Variants in SAMD4A observed in about 807,000 individuals in gnomAD.
SAMD4A encodes the protein sterile alpha motif domain containing 4A.
In SAMD4A, 33 loss-of-function variants were observed where a neutral mutation model predicts 81.3. The observed-to-expected ratio is 0.41, with a 90% CI of 0.31 to 0.54. The LOEUF (loss-of-function observed/expected upper bound fraction) is 0.54, where lower values mean the gene tolerates loss of function less well. SAMD4A is among the 20% of genes least tolerant of loss of function. The pLI, the probability that SAMD4A is intolerant of heterozygous loss-of-function variation, is 0.37. For synonymous variants in SAMD4A, 389 were observed against 382.1 expected (o/e 1.02, Z -0.21); for missense variants, 854 against 951.1 (o/e 0.90, Z 1.34).
chr14:54,569,746 GATTTACGCAGAGTC>G (rs2033073419), intron 2 of SAMD4A, among the ~76,000 whole-genome samples: 1 of 152,212 alleles, frequency 6.6e-6, no homozygotes, highest in African/African-American at 2.4e-5. Context: ...GATTGCAGAG[GATTTACGCAGAGTC>G]ATTTAGGTTG....
At chr14:54,673,472 G>A (rs1473570613) in intron 2 of SAMD4A, among the ~76,000 whole-genome samples, 2 of 152,236 alleles carry the variant, frequency 1.3e-5, no homozygotes, top group Non-Finnish European at 2.9e-5. Flanking sequence ...CTCAACCATG[G>A]GTTTTGTGAC....
At chr14:54,723,776 A>G (rs1199311087) in intron 3 of SAMD4A, among the ~76,000 whole-genome samples, 1 of 152,212 alleles carries the variant, frequency 6.6e-6, no homozygotes, top group Non-Finnish European at 1.5e-5. Flanking sequence ...TGGCATCAGT[A>G]TCCCTAGCGA....
chr14:54,744,159 C>T (rs2037910871), intron 4 of SAMD4A, among the ~76,000 whole-genome samples: 1 of 152,198 alleles, frequency 6.6e-6, no homozygotes, highest in African/African-American at 2.4e-5. Flanking sequence ...CAAGGCTGTT[C>T]ATGTTTCTGT....
At chr14:54,710,171 T>C (rs1028079663) in intron 3 of SAMD4A, among the ~76,000 whole-genome samples, 4 of 152,208 alleles carry the variant, frequency 2.6e-5, no homozygotes, top group Non-Finnish European at 4.4e-5. Flanking sequence ...CTCCATTTAA[T>C]CTGTCCACTT....
At chr14:54,693,860 T>C (rs1026305677) in intron 2 of SAMD4A, 2 of 150,650 alleles carry the variant, frequency 1.3e-5, no homozygotes, top group Non-Finnish European at 2.9e-5. Flanking sequence ...AATAAGGGAG[T>C]GTAAGGTGAG....
At chr14:54,669,281 C>T (rs2035822160) in intron 2 of SAMD4A, among the ~76,000 whole-genome samples, 1 of 152,104 alleles carries the variant, frequency 6.6e-6, no homozygotes, top group African/African-American at 2.4e-5. Context: ...GAAGCTGCTG[C>T]TGTCCTCCTT....
At chr14:54,598,774 A>C (rs2033978517) in intron 2 of SAMD4A, among the ~76,000 whole-genome samples, 2 of 152,120 alleles carry the variant, frequency 1.3e-5, no homozygotes, top group Admixed American at 1.3e-4. Flanking sequence ...CACTATCGGG[A>C]ACGTGTGTTA....
At position 54,684,928 on chromosome 14, in the gene SAMD4A, G is replaced by A. The variant is rs570949566; in HGVS notation, c.197-17134G>A. On this transcript the variant is annotated intron_variant, in intron 2 of 12. Transcript: ENST00000554335. The stretch of plus-strand genomic sequence containing the variant: ...GTCCACCATTCAGTTCTGGGTACCA[G>A]GTTTTCAAAGAGGCATTAAGTGTAG... Among the ~76,000 whole-genome samples the A allele has an allele frequency of 2.0e-5, 3 of 152,342 alleles. No homozygotes were observed. The South Asian group carries it at 6.2e-4, about 32-fold the overall frequency.
chr14:54,719,072 T>A (rs2037196171), intron 3 of SAMD4A, among the ~76,000 whole-genome samples: 1 of 151,960 alleles, frequency 6.6e-6, no homozygotes, highest in Non-Finnish European at 1.5e-5. Flanking sequence ...CCTTTCCCCA[T>A]TCCCCTTCCT....
intron 3 of SAMD4A, among the ~76,000 whole-genome samples, chr14:54,710,415 C>T (rs1055509530): frequency 6.6e-6 from 1 of 152,110 alleles, no homozygotes; most frequent in Non-Finnish European, 1.5e-5. Flanking sequence ...TTGTTATCCC[C>T]ATTTAACAGC....
intron 11 of SAMD4A, among the ~76,000 whole-genome samples, chr14:54,783,626 C>G (rs990619412): frequency 1.3e-5 from 2 of 152,232 alleles, no homozygotes; most frequent in Non-Finnish European, 2.9e-5. Context: ...TGACAGTTAC[C>G]TGCAGTTGCT....
chr14:54,665,320 G>A (rs2035735037), intron 2 of SAMD4A, among the ~76,000 whole-genome samples: 1 of 152,156 alleles, frequency 6.6e-6, no homozygotes, highest in Admixed American at 6.5e-5. Flanking sequence ...TAAGTATGCC[G>A]GAACATGAAC....
intron 9 of SAMD4A, 72 bp downstream of exon 9, chr14:54,770,294 G>A (rs2038666321): frequency 9.8e-7 from 1 of 1,023,798 alleles, no homozygotes. Flanking sequence ...TCGGTTCCTG[G>A]GGCAGGAATA....
At chr14:54,776,326 T>C (rs2038846537) in intron 10 of SAMD4A, 88 bp from the exon 11 acceptor site, 1 of 1,405,048 alleles carries the variant, frequency 7.1e-7, no homozygotes, top group Non-Finnish European at 9.6e-7. Context: ...TCTCCTGGGA[T>C]CTTTGCCTCC....
intron 3 of SAMD4A, among the ~76,000 whole-genome samples, chr14:54,720,865 C>T (rs1255614465): frequency 6.6e-6 from 1 of 152,074 alleles, no homozygotes; most frequent in Admixed American, 6.6e-5. Context: ...GAAGTTCTAC[C>T]ACATAAATTG....
intron 2 of SAMD4A, among the ~76,000 whole-genome samples, chr14:54,668,054 G>T (rs1254714218): frequency 6.6e-6 from 1 of 152,200 alleles, no homozygotes; most frequent in Non-Finnish European, 1.5e-5. Context: ...GTTCTGATCG[G>T]ATTTCCGCCT....
At chr14:54,716,091 C>T (rs539937290) in intron 3 of SAMD4A, among the ~76,000 whole-genome samples, 1 of 152,252 alleles carries the variant, frequency 6.6e-6, no homozygotes, top group East Asian at 1.9e-4. Context: ...TTCGAAGGCT[C>T]TTTGTTTTAA....
chr14:54,577,823 T>A (rs2033348189), intron 2 of SAMD4A, among the ~76,000 whole-genome samples: 1 of 152,138 alleles, frequency 6.6e-6, no homozygotes. Context: ...GAGAAGAAGA[T>A]GAGCAGAGAG....
intron 3 of SAMD4A, chr14:54,735,137 G>C (rs1408226422): frequency 6.6e-6 from 1 of 152,148 alleles, no homozygotes; most frequent in Non-Finnish European, 1.5e-5. Context: ...TACTTAGACA[G>C]GCATGAAATG....
Sources: gnomAD v4.1 joint callset for allele counts (sites outside exome capture counted in the v4.1 genomes callset) on GRCh38, gnomAD v4.1.1 for gene constraint, MANE v1.5 for transcripts, NCBI Gene and HGNC (gene_info 2026-07-23, HGNC 2026-07-21) for gene names.